The following PRKAR2B variants were observed in gnomAD, a reference collection of about 807,000 sequenced individuals.
PRKAR2B encodes protein kinase cAMP-dependent type II regulatory subunit beta.
Under a neutral mutation model 49.9 loss-of-function variants are expected in PRKAR2B, and 14 were observed. The ratio of observed to expected loss-of-function variants is 0.28; its 90% CI spans 0.19 to 0.44. PRKAR2B has a LOEUF of 0.44. Among genes scored for constraint, PRKAR2B ranks in the 20% least tolerant of loss-of-function variants. The pLI is 1.00. For synonymous variants in PRKAR2B, 196 were observed against 197.7 expected, an observed-to-expected ratio of 0.99 and a Z score of 0.07; for missense variants, 393 against 537.9, an observed-to-expected ratio of 0.73 and a Z score of 2.67.
rs1002167474 is a variant in PRKAR2B at position 107,130,504 on chromosome 7, C to CA, written c.480+2217dup. 1.3e-3 allele frequency among the ~76,000 whole-genome samples: 195 copies of CA among 150,730 alleles called. 1 individual carries two copies. The highest frequency in any genetic ancestry group is 4.4e-3 in the African/African-American group (179 of 41,004). On this transcript the variant is annotated intron_variant, in intron 4 of 10. Coordinates refer to ENST00000265717, the MANE Select transcript of PRKAR2B (RefSeq NM_002736.3). The stretch of plus-strand genomic sequence containing the variant: ...TGGGCAACAGAGCGAGACTCTGTCT[C>CA]AAAAAAAATAAAAATAAAATAAAAA...
intron 2 of PRKAR2B, among the ~76,000 whole-genome samples, chr7:107,070,643 T>C (rs1449224952): frequency 6.6e-6 from 1 of 152,224 alleles, no homozygotes; most frequent in African/African-American, 2.4e-5. Flanking sequence ...ATCTGTATGG[T>C]TGTCTGATTT....
chr7:107,157,270 A>G lies in PRKAR2B; in HGVS notation c.1069A>G (p.Thr357Ala). ...GTACTTTGGAGAGCTTGCCCTGGTAACTAACAAACCTCGAGCAGCTTCTGC... is the reference window on the plus strand; with the variant it reads ...GTACTTTGGAGAGCTTGCCCTGGTAGCTAACAAACCTCGAGCAGCTTCTGC... ...GQYFGELALV[T>A]NKPRAASAHA... Residue 357 changes from threonine to alanine, a missense_variant, in exon 10 of 11, where the codon ACT (threonine) becomes GCT (alanine). Thr to Ala is a moderately conservative substitution (Grantham distance 58). Coordinates refer to ENST00000265717, the MANE Select transcript of PRKAR2B (RefSeq NM_002736.3). 6.2e-7 allele frequency: 1 copy of G among 1,614,248 alleles called. No homozygotes were observed. Among genetic ancestry groups the G allele is most frequent in the Non-Finnish European group, 8.5e-7 (1 of 1,180,036 alleles).
intron 3 of PRKAR2B, among the ~76,000 whole-genome samples, chr7:107,122,774 T>C (rs1441194047): frequency 6.6e-6 from 1 of 152,184 alleles, no homozygotes. Context: ...CCCTAAGTCG[T>C]TACATCATTA....
chr7:107,065,322 A>ATGTGTGTGTGTG (rs71134248), intron 1 of PRKAR2B, among the ~76,000 whole-genome samples: 12 of 143,806 alleles, frequency 8.3e-5, no homozygotes, highest in South Asian at 2.3e-4. Context: ...GGGTGTGTGT[A>ATGTGTGTGTGTG]TGTGTGTGTG....
chr7:107,135,937 A>G (rs1342260868), intron 4 of PRKAR2B, among the ~76,000 whole-genome samples: 1 of 152,222 alleles, frequency 6.6e-6, no homozygotes, highest in Non-Finnish European at 1.5e-5. Flanking sequence ...AAGACTTAGT[A>G]TAAAGTGACA....
intron 1 of PRKAR2B, among the ~76,000 whole-genome samples, chr7:107,059,564 T>A (rs1350965821): frequency 1.3e-5 from 2 of 152,268 alleles, no homozygotes; most frequent in Middle Eastern, 3.4e-3. Flanking sequence ...TTGATTCATG[T>A]AGTTCTAGTT....
At chr7:107,054,094 A>G (rs1405793477) in intron 1 of PRKAR2B, among the ~76,000 whole-genome samples, 1 of 152,204 alleles carries the variant, frequency 6.6e-6, no homozygotes, top group African/African-American at 2.4e-5. Flanking sequence ...CACAGCCTGT[A>G]ATCCCAGCAC....
intron 3 of PRKAR2B, among the ~76,000 whole-genome samples, chr7:107,127,771 G>T (rs181640814): frequency 2.0e-5 from 3 of 152,286 alleles, no homozygotes; most frequent in Non-Finnish European, 2.9e-5. Flanking sequence ...TCAAAAGAAA[G>T]AATTACATCC....
intron 3 of PRKAR2B, among the ~76,000 whole-genome samples, chr7:107,122,265 G>C (rs555992589): frequency 7.9e-4 from 120 of 152,198 alleles, no homozygotes; most frequent in South Asian, 1.5e-3. Context: ...TTCTCATAGT[G>C]ATAATATTAT....
chr7:107,052,248 A>G (rs1355183981), intron 1 of PRKAR2B, among the ~76,000 whole-genome samples: 2 of 152,158 alleles, frequency 1.3e-5, no homozygotes, highest in Non-Finnish European at 2.9e-5. Flanking sequence ...GTGAAACCCC[A>G]TCTCTACTAA....
At chr7:107,136,506 C>G (rs758766951) in intron 4 of PRKAR2B, among the ~76,000 whole-genome samples, 2 of 152,088 alleles carry the variant, frequency 1.3e-5, no homozygotes, top group Non-Finnish European at 2.9e-5. Context: ...AAGATGTTAA[C>G]AGACACCTCA....
chr7:107,105,565 T>A (rs1584431458), intron 2 of PRKAR2B, among the ~76,000 whole-genome samples: 1 of 152,192 alleles, frequency 6.6e-6, no homozygotes, highest in East Asian at 1.9e-4. Flanking sequence ...TAGTAAGAAC[T>A]CAGTATCCTT....
chr7:107,153,495 T>C (rs1186421625), intron 8 of PRKAR2B, among the ~76,000 whole-genome samples: 1 of 152,202 alleles, frequency 6.6e-6, no homozygotes, highest in Non-Finnish European at 1.5e-5. Context: ...GTTTTCTGCA[T>C]CATTGTAGTC....
chr7:107,052,945 T>G (rs1338049484), intron 1 of PRKAR2B, among the ~76,000 whole-genome samples: 3 of 152,220 alleles, frequency 2.0e-5, no homozygotes, highest in African/African-American at 7.2e-5. Context: ...TTCTCCTGCC[T>G]CAGCTTCCTG....
intron 1 of PRKAR2B, among the ~76,000 whole-genome samples, chr7:107,066,376 A>T (rs1017108892): frequency 1.3e-5 from 2 of 151,794 alleles, no homozygotes; most frequent in African/African-American, 4.8e-5. Context: ...AAAGGTAAAA[A>T]CCAAAAGTCT....
intron 2 of PRKAR2B, among the ~76,000 whole-genome samples, chr7:107,096,612 A>G (rs1456974350): frequency 6.6e-6 from 1 of 152,018 alleles, no homozygotes; most frequent in Non-Finnish European, 1.5e-5. Flanking sequence ...TAGGGTGTCA[A>G]TTTTAGATCT....
intron 4 of PRKAR2B, among the ~76,000 whole-genome samples, chr7:107,137,377 T>C (rs1377637261): frequency 6.6e-6 from 1 of 152,214 alleles, no homozygotes; most frequent in East Asian, 1.9e-4. Context: ...AGTGACTCCT[T>C]TGAAAGACAG....
At chr7:107,152,949 G>A (rs1256100727) in intron 7 of PRKAR2B, among the ~76,000 whole-genome samples, 2 of 152,190 alleles carry the variant, frequency 1.3e-5, no homozygotes, top group African/African-American at 4.8e-5. Flanking sequence ...TTGTTGCCAT[G>A]TGGAAATATG....
At chr7:107,102,386 A>G (rs1794988273) in intron 2 of PRKAR2B, among the ~76,000 whole-genome samples, 1 of 152,242 alleles carries the variant, frequency 6.6e-6, no homozygotes, top group African/African-American at 2.4e-5. Context: ...GCATATAATT[A>G]AGAGTGGGTA....
Sources: gnomAD v4.1 joint callset for allele counts (sites outside exome capture counted in the v4.1 genomes callset) on GRCh38, gnomAD v4.1.1 for gene constraint, MANE v1.5 for transcripts, NCBI Gene and HGNC (gene_info 2026-07-23, HGNC 2026-07-21) for gene names.